Variants in ZFHX3 observed in about 807,000 individuals in gnomAD.
ZFHX3 encodes zinc finger homeobox protein 3.
In ZFHX3, 42 loss-of-function variants were observed where a neutral mutation model predicts 279.1. The ratio of observed to expected loss-of-function variants is 0.15; its 90% CI spans 0.12 to 0.19. The LOEUF (loss-of-function observed/expected upper bound fraction) is 0.19. ZFHX3 is among the 10% of genes least tolerant of loss of function. The pLI is 1.00. For synonymous variants in ZFHX3, 2,293 were observed against 1,957.8 expected (o/e 1.17, Z -4.52); for missense variants, 4,981 against 4,754.0 (o/e 1.05, Z -1.40).
chr16:73,538,667 G>T (rs527246591), intron 2 of ZFHX3, among the ~76,000 whole-genome samples: 1 of 152,034 alleles, frequency 6.6e-6, no homozygotes, highest in South Asian at 2.1e-4. Context: ...AATTCCTCAC[G>T]TCTGCCACAT....
At chr16:73,607,069 C>T (rs2052194976) in intron 2 of ZFHX3, among the ~76,000 whole-genome samples, 1 of 152,140 alleles carries the variant, frequency 6.6e-6, no homozygotes, top group Admixed American at 6.5e-5. Context: ...TTGATCGTTG[C>T]CCAGGCTGGA....
At chr16:73,487,815 C>T (rs2019000657) in intron 2 of ZFHX3, 1 of 156,622 alleles carries the variant, frequency 6.4e-6, no homozygotes, top group East Asian at 1.9e-4. Flanking sequence ...GAAAAGTGCT[C>T]ATTCATCGGA....
At chr16:73,542,992 G>A (rs1370217005) in intron 2 of ZFHX3, among the ~76,000 whole-genome samples, 1 of 152,122 alleles carries the variant, frequency 6.6e-6, no homozygotes, top group Admixed American at 6.5e-5. Context: ...GATCAGATGA[G>A]CTTTGTAGTT....
At chr16:73,781,142 C>T (rs1959455943) in intron 1 of ZFHX3, among the ~76,000 whole-genome samples, 1 of 152,118 alleles carries the variant, frequency 6.6e-6, no homozygotes. Flanking sequence ...AACCTAGTTA[C>T]TTTGTTTAAC....
chr16:73,171,394 G>A (rs1292320701), intron 5 of ZFHX3, among the ~76,000 whole-genome samples: 2 of 150,728 alleles, frequency 1.3e-5, no homozygotes, highest in African/African-American at 4.9e-5. Context: ...GGCAGAAGGA[G>A]CTCTGTCTGT....
intron 2 of ZFHX3, among the ~76,000 whole-genome samples, chr16:73,663,877 G>A (rs1036074273): frequency 2.2e-4 from 33 of 152,136 alleles, no homozygotes; most frequent in African/African-American, 8.0e-4. Context: ...TAACCTCTAT[G>A]TTCTGTAACC....
At chr16:73,867,705 G>A (rs551496505) in intron 1 of ZFHX3, among the ~76,000 whole-genome samples, 2 of 152,254 alleles carry the variant, frequency 1.3e-5, no homozygotes, top group African/African-American at 2.4e-5. Flanking sequence ...GGCATCTGAT[G>A]TACCCATTCC....
intron 5 of ZFHX3, among the ~76,000 whole-genome samples, chr16:73,237,608 G>A (rs1245257799): frequency 2.2e-5 from 3 of 137,022 alleles, no homozygotes; most frequent in African/African-American, 8.2e-5. Context: ...CTGGCCTCAA[G>A]CTATCTTCCT....
intron 8 of ZFHX3, among the ~76,000 whole-genome samples, chr16:73,070,910 CGTCTTG>C (rs1253576030): frequency 8.7e-5 from 10 of 114,676 alleles, no homozygotes; most frequent in Non-Finnish European, 1.7e-4. Flanking sequence ...GTTCCTAGAC[CGTCTTG>C]CGCGCGCGCG....
At chr16:73,250,047 G>C (rs1207134589) in intron 5 of ZFHX3, among the ~76,000 whole-genome samples, 3 of 152,200 alleles carry the variant, frequency 2.0e-5, no homozygotes, top group Non-Finnish European at 4.4e-5. Flanking sequence ...ATGTAATGCA[G>C]AAGGTACTTT....
intron 2 of ZFHX3, among the ~76,000 whole-genome samples, chr16:73,576,075 T>C (rs2143814627): frequency 6.6e-6 from 1 of 152,314 alleles, no homozygotes; most frequent in African/African-American, 2.4e-5. Context: ...TCTAATTATC[T>C]TTAATACTTA....
At chr16:73,051,268 G>T (rs952893145), upstream of ZFHX3, among the ~76,000 whole-genome samples, 2 of 152,168 alleles carry the variant, frequency 1.3e-5, no homozygotes, top group African/African-American at 4.8e-5. Context: ...AAGAGGGCAA[G>T]AAACAAAAAC....
Position 73,459,398 on chromosome 16 carries a change from T to C in ZFHX3, c.-1546-3140A>G, listed in dbSNP as rs531662158. Among the ~76,000 whole-genome samples the C allele has an allele frequency of 3.3e-5, 5 of 152,314 alleles. No individual in the cohort carries two copies. The South Asian group carries it at 1.0e-3, about 32-fold the overall frequency. Reference sequence around the variant, plus strand: ...TTCTGAGATGGATGGAGTCTCATTATGTCGCCCAGGCTGAAGTGCAGTAGC... The same window carrying C: ...TTCTGAGATGGATGGAGTCTCATTACGTCGCCCAGGCTGAAGTGCAGTAGC... On this transcript the variant is annotated intron_variant, in intron 2 of 17. Coordinates refer to the ZFHX3 transcript ENST00000641206.
chr16:72,796,931 C>T lies in ZFHX3; in HGVS notation c.5751G>A (p.Glu1917=), dbSNP rs772844151. The change falls in exon 9 of 10, where the codon GAG becomes GAA. Residue 1917 remains glutamate, a synonymous_variant. Transcript: ENST00000268489. ...ETLPDALKAK[E]KKELAPGGGS... is the part of the protein sequence containing the mutation. ...CACCCCCTGGTGCCAACTCTTTCTT[C>T]TCTTTGGCCTTCAAGGCATCTGGCA... is the stretch of plus-strand genomic sequence containing the variant. 1 of 1,614,008 alleles carries T rather than the reference C, an allele frequency of 6.2e-7. No homozygotes were observed. Among genetic ancestry groups the T allele is most frequent in the South Asian group, 1.1e-5 (1 of 91,062 alleles).
chr16:73,769,738 A>C (rs1349831794), intron 1 of ZFHX3, among the ~76,000 whole-genome samples: 3 of 152,236 alleles, frequency 2.0e-5, no homozygotes, highest in Non-Finnish European at 1.5e-5. Context: ...TTGTTGACAT[A>C]TCAACAACCC....
At chr16:73,746,645 C>T (rs1374877680) in intron 1 of ZFHX3, among the ~76,000 whole-genome samples, 2 of 152,146 alleles carry the variant, frequency 1.3e-5, no homozygotes, top group Non-Finnish European at 2.9e-5. Flanking sequence ...AATATCAAAA[C>T]AATGGAGCTG....
intron 2 of ZFHX3, among the ~76,000 whole-genome samples, chr16:73,563,440 G>T (rs1281918582): frequency 6.6e-6 from 1 of 151,874 alleles, no homozygotes; most frequent in Non-Finnish European, 1.5e-5. Flanking sequence ...TGTATTTTTA[G>T]CAGAGACGGG....
intron 5 of ZFHX3, among the ~76,000 whole-genome samples, chr16:73,148,623 C>A (rs1406884247): frequency 8.6e-6 from 1 of 116,020 alleles, no homozygotes; most frequent in Non-Finnish European, 1.6e-5. Flanking sequence ...TACTGAACTT[C>A]TCTGTGCTTC....
intron 8 of ZFHX3, among the ~76,000 whole-genome samples, chr16:73,080,688 G>A (rs1965932655): frequency 6.6e-6 from 1 of 151,790 alleles, no homozygotes; most frequent in Non-Finnish European, 1.5e-5. Context: ...ATCCTTCCAC[G>A]TCAGCCTCCC....
Sources: allele counts gnomAD v4.1 joint callset (sites outside exome capture counted in the v4.1 genomes callset), GRCh38; gene constraint gnomAD v4.1.1; transcripts MANE v1.5; gene names NCBI Gene and HGNC (gene_info 2026-07-23, HGNC 2026-07-21).